The following DYM variants were observed in gnomAD, a reference collection of about 807,000 sequenced individuals.
DYM encodes the protein dyggve-Melchior-Clausen syndrome protein.
A neutral mutation model predicts 93.1 loss-of-function variants in DYM; 78 were observed. The observed-to-expected ratio is 0.84, with a 90% CI of 0.70 to 1.01. DYM has a LOEUF of 1.01. Among genes scored for constraint, DYM ranks in the 50% least tolerant of loss-of-function variants. The pLI is 0.00. For missense variants in DYM, 789 were observed against 845.0 expected, an observed-to-expected ratio of 0.93 and a Z score of 0.82; for synonymous variants, 321 against 319.7, an observed-to-expected ratio of 1.00 and a Z score of -0.04.
chr18:49,454,480 T>C (rs2148725903), intron 1 of DYM, among the ~76,000 whole-genome samples: 1 of 152,240 alleles, frequency 6.6e-6, no homozygotes, highest in East Asian at 1.9e-4. Flanking sequence ...GCCAATCAAC[T>C]GGAAAGCCCA....
chr18:49,376,564 G>A (rs2067525247), intron 5 of DYM, among the ~76,000 whole-genome samples: 1 of 152,246 alleles, frequency 6.6e-6, no homozygotes, highest in Non-Finnish European at 1.5e-5. Flanking sequence ...GCTCTTGCCT[G>A]CTAAATGTTC....
intron 13 of DYM, among the ~76,000 whole-genome samples, chr18:49,230,639 A>G (rs564887386): frequency 4.6e-5 from 7 of 152,368 alleles, no homozygotes; most frequent in African/African-American, 1.7e-4. Flanking sequence ...CCAAACAAAC[A>G]AAAGGCTTAT....
chr18:49,226,011 T>G (rs868865692), intron 13 of DYM, among the ~76,000 whole-genome samples: 1 of 152,134 alleles, frequency 6.6e-6, no homozygotes. Context: ...TTTGAGAACT[T>G]TAACTTGTCT....
Position 49,310,391 on chromosome 18 carries a change from A to C in DYM, c.763+21473T>G, listed in dbSNP as rs536225993. Among the ~76,000 whole-genome samples the C allele has an allele frequency of 3.2e-3, 485 of 152,312 alleles. 3 individuals are homozygous for C. The highest frequency in any genetic ancestry group is 3.6e-3 in the Non-Finnish European group (243 of 68,020). ...AATGTTACTTTAATAAAGTATAAAAATCTTGGTATAAAACATGAGTAACTG... is the reference window on the plus strand; with the variant it reads ...AATGTTACTTTAATAAAGTATAAAACTCTTGGTATAAAACATGAGTAACTG... On this transcript the variant is annotated intron_variant, in intron 8 of 17. Coordinates refer to ENST00000675505, the MANE Select transcript of DYM (RefSeq NM_001353214.3).
At chr18:49,300,162 T>A (rs1399377847) in intron 8 of DYM, among the ~76,000 whole-genome samples, 1 of 149,298 alleles carries the variant, frequency 6.7e-6, no homozygotes, top group Non-Finnish European at 1.5e-5. Flanking sequence ...AAAATCAAGA[T>A]TGAAGCCTGA....
intron 13 of DYM, among the ~76,000 whole-genome samples, chr18:49,222,103 A>G (rs1245843523): frequency 6.6e-6 from 1 of 151,230 alleles, no homozygotes; most frequent in East Asian, 1.9e-4. Context: ...AGAAACACAC[A>G]CAAAAAAATC....
chr18:49,196,488 AATG>A (rs775107426), intron 14 of DYM, among the ~76,000 whole-genome samples: 7 of 152,160 alleles, frequency 4.6e-5, no homozygotes, highest in African/African-American at 1.4e-4. Flanking sequence ...TTATGGAACT[AATG>A]ATCTACTCTT....
chr18:49,063,099 T>C (rs1441173552), intron 17 of DYM, among the ~76,000 whole-genome samples: 1 of 152,158 alleles, frequency 6.6e-6, no homozygotes. Context: ...AGCACACCTA[T>C]TTTTAGGACA....
chr18:49,166,855 G>A (rs1246661131), intron 14 of DYM, among the ~76,000 whole-genome samples: 1 of 152,054 alleles, frequency 6.6e-6, no homozygotes, highest in East Asian at 1.9e-4. Flanking sequence ...TGAAAGAAGT[G>A]AGCTTCTTGG....
At chr18:49,288,704 C>T (rs550461456) in intron 8 of DYM, among the ~76,000 whole-genome samples, 6 of 151,676 alleles carry the variant, frequency 4.0e-5, no homozygotes, top group African/African-American at 7.3e-5. Context: ...CTCTTGAACC[C>T]GAGAGGCAGA....
chr18:49,399,539 C>T (rs1486594825), intron 2 of DYM, among the ~76,000 whole-genome samples: 2 of 152,128 alleles, frequency 1.3e-5, no homozygotes, highest in Non-Finnish European at 2.9e-5. Flanking sequence ...TTAATTCCAA[C>T]GTATATTAGT....
At chr18:49,184,497 T>C (rs2090245062) in intron 14 of DYM, among the ~76,000 whole-genome samples, 1 of 152,162 alleles carries the variant, frequency 6.6e-6, no homozygotes, top group East Asian at 1.9e-4. Context: ...AGCAATACAG[T>C]ATTCCCCCCT....
chr18:49,131,103 T>C (rs1003839284), intron 15 of DYM, among the ~76,000 whole-genome samples: 1 of 152,214 alleles, frequency 6.6e-6, no homozygotes, highest in African/African-American at 2.4e-5. Context: ...TTGGTGGTTA[T>C]TATAATACTT....
At position 49,160,534 on chromosome 18, in the gene DYM, T is replaced by A. The variant is rs1220983960; in HGVS notation, c.1728+3151A>T. On this transcript the variant is annotated intron_variant, in intron 15 of 17. Transcript: ENST00000675505. ...ATTCAAACTCTGCTAATACAGTACA[T>A]TCAGTCTTGGTGTAGAAAGTACACG... 4.0e-5 allele frequency among the ~76,000 whole-genome samples: 6 copies of A among 151,294 alleles called. 1 individual carries two copies. The highest frequency in any genetic ancestry group is 3.3e-4 in the Admixed American group (5 of 15,194).
Position 49,378,576 on chromosome 18 carries a change from CAGG to C in DYM, c.409_411del (p.Pro137del), listed in dbSNP as rs769648023. 9.9e-6 allele frequency: 16 copies of C among 1,610,216 alleles called. No homozygotes were observed. The highest frequency in any genetic ancestry group is 6.7e-5 in the Admixed American group (4 of 59,980). On this transcript the variant is annotated inframe_deletion, in exon 5 of 18. Coordinates refer to ENST00000675505, the MANE Select transcript of DYM (RefSeq NM_001353214.3). ...TAAAAACAATACTTACTGTAATTGC[CAGG>C]AGATTTTTCTTCATAAGTAAAATGA...
At chr18:49,394,252 T>C (rs2069758419) in intron 2 of DYM, among the ~76,000 whole-genome samples, 1 of 152,342 alleles carries the variant, frequency 6.6e-6, no homozygotes, top group African/African-American at 2.4e-5. Context: ...AATTTCCTCA[T>C]ATATAAAACA....
chr18:49,198,956 T>C (rs1401291532), intron 14 of DYM, among the ~76,000 whole-genome samples: 2 of 152,028 alleles, frequency 1.3e-5, no homozygotes, highest in South Asian at 2.1e-4. Context: ...CTATTCACAA[T>C]AGCAAAGACT....
intron 15 of DYM, among the ~76,000 whole-genome samples, chr18:49,152,816 C>T (rs1356324892): frequency 6.6e-6 from 1 of 152,072 alleles, no homozygotes; most frequent in Non-Finnish European, 1.5e-5. Context: ...CTATCATTTG[C>T]GACAACATGG....
chr18:49,252,241 A>AAAAAAAAAAAAAAG (rs1568106559), intron 13 of DYM, among the ~76,000 whole-genome samples: 1 of 148,446 alleles, frequency 6.7e-6, no homozygotes, highest in African/African-American at 2.5e-5. Flanking sequence ...AAAAAAAAAA[A>AAAAAAAAAAAAAAG]AGAACTGCCT....
Sources: allele counts gnomAD v4.1 joint callset (sites outside exome capture counted in the v4.1 genomes callset), GRCh38; gene constraint gnomAD v4.1.1; transcripts MANE v1.5; gene names NCBI Gene and HGNC (gene_info 2026-07-23, HGNC 2026-07-21).